C12orf42: variants seen among roughly 807,000 people sequenced by gnomAD.
C12orf42 encodes uncharacterized protein C12orf42.
Under a neutral mutation model 21.6 loss-of-function variants are expected in C12orf42, and 25 were observed. The ratio of observed to expected loss-of-function variants is 1.16; its 90% CI spans 0.84 to 1.62. The LOEUF is 1.62. Ranked by LOEUF, C12orf42 falls within the 40% of genes most tolerant of loss-of-function variation. C12orf42 has a pLI of 0.00. For synonymous variants in C12orf42, 174 were observed against 175.0 expected (o/e 0.99, Z 0.05); for missense variants, 483 against 459.3 (o/e 1.05, Z -0.47).
chr12:103,221,173 T>C, the C12orf42 span, among the ~76,000 whole-genome samples: 1 of 152,260 alleles, frequency 6.6e-6, no homozygotes, highest in Non-Finnish European at 1.5e-5. Context: ...GAGAGGATTA[T>C]AGAACATTTC....
At chr12:103,323,911 T>A (rs1451546383) in intron 4 of C12orf42, among the ~76,000 whole-genome samples, 1 of 152,226 alleles carries the variant, frequency 6.6e-6, no homozygotes, top group Non-Finnish European at 1.5e-5. Context: ...ATTGGATGAA[T>A]AAATTTTATC....
intron 2 of C12orf42, among the ~76,000 whole-genome samples, chr12:103,440,410 A>C (rs1023594719): frequency 6.8e-6 from 1 of 146,912 alleles, no homozygotes; most frequent in African/African-American, 2.5e-5. Flanking sequence ...AAGTATAATA[A>C]AAAAATAAAA....
intron 2 of C12orf42, among the ~76,000 whole-genome samples, chr12:103,463,635 C>T (rs1299326156): frequency 6.6e-6 from 1 of 152,110 alleles, no homozygotes; most frequent in Non-Finnish European, 1.5e-5. Flanking sequence ...GCAGGACATG[C>T]AGGTTTGTTA....
the C12orf42 span, among the ~76,000 whole-genome samples, chr12:103,088,154 C>T: frequency 1.3e-5 from 2 of 152,168 alleles, no homozygotes; most frequent in Non-Finnish European, 2.9e-5. Context: ...AGCCACAATC[C>T]TAGAATGTTA....
chr12:103,190,463 C>A, the C12orf42 span, among the ~76,000 whole-genome samples: 2 of 152,154 alleles, frequency 1.3e-5, no homozygotes, highest in Non-Finnish European at 2.9e-5. Flanking sequence ...ATCCCTCAAT[C>A]CAGTCAAGTT....
intron 3 of C12orf42, among the ~76,000 whole-genome samples, chr12:103,386,984 T>G (rs7958576): frequency 0.017 from 2,662 of 152,262 alleles, 81 homozygotes; most frequent in African/African-American, 0.061. Context: ...CAGCTCCACA[T>G]CCCATTCAAA....
the C12orf42 span, among the ~76,000 whole-genome samples, chr12:103,225,797 GC>G: frequency 6.6e-6 from 1 of 152,154 alleles, no homozygotes; most frequent in Non-Finnish European, 1.5e-5. Context: ...AGGGAAACAG[GC>G]CCTTGAAAAG....
the C12orf42 span, among the ~76,000 whole-genome samples, chr12:103,073,293 TG>T: frequency 7.9e-5 from 12 of 152,136 alleles, no homozygotes; most frequent in Non-Finnish European, 2.9e-5. Flanking sequence ...AGTTTACCTA[TG>T]TAACAAACCT....
intron 1 of C12orf42, among the ~76,000 whole-genome samples, chr12:103,489,384 T>G (rs989800091): frequency 1.3e-5 from 2 of 152,180 alleles, no homozygotes; most frequent in African/African-American, 4.8e-5. Flanking sequence ...GGGAGGTGTC[T>G]CCCAGTTAGG....
chr12:103,228,867 C>T, the C12orf42 span, among the ~76,000 whole-genome samples: 549 of 151,162 alleles, frequency 3.6e-3, 3 homozygotes, highest in African/African-American at 0.013. Flanking sequence ...CTAGATCAAG[C>T]CCAGGAGTTT....
chr12:103,114,401 C>G, the C12orf42 span, among the ~76,000 whole-genome samples: 1 of 152,156 alleles, frequency 6.6e-6, no homozygotes, highest in African/African-American at 2.4e-5. Flanking sequence ...AGATGTGGTC[C>G]CTGGAGCAGT....
At chr12:103,370,292 T>C (rs1201841846) in intron 3 of C12orf42, among the ~76,000 whole-genome samples, 1 of 152,188 alleles carries the variant, frequency 6.6e-6, no homozygotes, top group Non-Finnish European at 1.5e-5. Context: ...GTAATTTAGT[T>C]CAGCCATTGT....
intron 1 of C12orf42, among the ~76,000 whole-genome samples, chr12:103,495,502 T>G (rs906949347): frequency 6.6e-6 from 1 of 151,436 alleles, no homozygotes; most frequent in Non-Finnish European, 1.5e-5. Flanking sequence ...GGCGGTGGCA[T>G]CGCTGCGCGG....
intron 4 of C12orf42, among the ~76,000 whole-genome samples, chr12:103,336,158 T>C (rs572729129): frequency 6.6e-6 from 1 of 152,254 alleles, no homozygotes; most frequent in Non-Finnish European, 1.5e-5. Flanking sequence ...GGAGAACCTT[T>C]GCCAGTGGGC....
chr12:103,388,951 G>A (rs975140745), intron 3 of C12orf42, among the ~76,000 whole-genome samples: 1 of 152,220 alleles, frequency 6.6e-6, no homozygotes, highest in African/African-American at 2.4e-5. Context: ...CTCCACATAA[G>A]CAAGCTTGGG....
intron 4 of C12orf42, among the ~76,000 whole-genome samples, chr12:103,311,351 A>T (rs2038956767): frequency 6.6e-6 from 1 of 151,724 alleles, no homozygotes; most frequent in Non-Finnish European, 1.5e-5. Context: ...TACCCCAGTG[A>T]TTACCCAGGC....
intron 10 of C12orf42, among the ~76,000 whole-genome samples, chr12:103,260,888 G>A (rs1057092935): frequency 6.6e-6 from 1 of 152,054 alleles, no homozygotes; most frequent in Non-Finnish European, 1.5e-5. Flanking sequence ...TAGGATTTGT[G>A]GCTTTCTTAG....
At chr12:103,281,959 G>GAA (rs34050921) in intron 4 of C12orf42, among the ~76,000 whole-genome samples, 3 of 149,584 alleles carry the variant, frequency 2.0e-5, no homozygotes, top group South Asian at 2.1e-4. Flanking sequence ...AAGAAAGAAA[G>GAA]AAAGAGATCG....
At chr12:103,223,597 C>G in the C12orf42 span, among the ~76,000 whole-genome samples, 3 of 152,152 alleles carry the variant, frequency 2.0e-5, no homozygotes, top group African/African-American at 7.2e-5. Flanking sequence ...CTTGGGAAAA[C>G]AGTGTAAACC....
Sources: gnomAD v4.1 joint callset for allele counts (sites outside exome capture counted in the v4.1 genomes callset) on GRCh38, gnomAD v4.1.1 for gene constraint, MANE v1.5 for transcripts, NCBI Gene and HGNC (gene_info 2026-07-23, HGNC 2026-07-21) for gene names.